The following SV2C variants were observed in gnomAD, a reference collection of about 807,000 sequenced individuals.
SV2C encodes solute carrier family 22 member B3.
Under a neutral mutation model 79.7 loss-of-function variants are expected in SV2C, and 49 were observed. The ratio of observed to expected loss-of-function variants is 0.61; its 90% CI spans 0.49 to 0.78. The LOEUF is 0.78. SV2C is among the 30% of genes least tolerant of loss of function. The pLI, the probability that SV2C is intolerant of heterozygous loss-of-function variation, is 0.00. For synonymous variants in SV2C, 334 were observed against 333.2 expected (o/e 1.00, Z -0.03); for missense variants, 833 against 912.9 (o/e 0.91, Z 1.13).
intron 2 of SV2C, chr5:76,174,147 C>T: frequency 6.2e-7 from 1 of 1,612,232 alleles, no homozygotes; most frequent in Non-Finnish European, 8.5e-7. Flanking sequence ...TTTCCAACGC[C>T]TCGTGAGCCA....
the SV2C span, among the ~76,000 whole-genome samples, chr5:75,907,402 G>T: frequency 6.6e-6 from 1 of 152,148 alleles, no homozygotes; most frequent in Non-Finnish European, 1.5e-5. Context: ...AGGTTCTGGG[G>T]CCAGTAATGT....
intron 2 of SV2C, among the ~76,000 whole-genome samples, chr5:76,146,803 A>T (rs1354857015): frequency 4.0e-4 from 57 of 144,098 alleles, no homozygotes; most frequent in African/African-American, 1.4e-3. Context: ...TTTTTAAAAA[A>T]AAAAAAAAAA....
the SV2C span, among the ~76,000 whole-genome samples, chr5:75,854,621 T>C: frequency 6.6e-6 from 1 of 152,212 alleles, no homozygotes; most frequent in Non-Finnish European, 1.5e-5. Flanking sequence ...ATAAGTCCTC[T>C]GTCAGTTATA....
At chr5:75,968,810 A>G in the SV2C span, among the ~76,000 whole-genome samples, 5 of 152,238 alleles carry the variant, frequency 3.3e-5, no homozygotes, top group Non-Finnish European at 7.3e-5. Context: ...ATTCAGATTC[A>G]GGAAATATAG....
At chr5:76,314,424 C>T (rs1748554768) in intron 12 of SV2C, among the ~76,000 whole-genome samples, 1 of 152,158 alleles carries the variant, frequency 6.6e-6, no homozygotes, top group Non-Finnish European at 1.5e-5. Flanking sequence ...TCCACCTCCC[C>T]CTCTCCCTCT....
At chr5:75,933,505 T>C in the SV2C span, among the ~76,000 whole-genome samples, 1 of 152,214 alleles carries the variant, frequency 6.6e-6, no homozygotes, top group African/African-American at 2.4e-5. Flanking sequence ...GGCCTGAGTT[T>C]CTTTAGTCTC....
At chr5:76,241,199 T>TC (rs1359050941) in intron 4 of SV2C, among the ~76,000 whole-genome samples, 6 of 142,412 alleles carry the variant, frequency 4.2e-5, no homozygotes, top group South Asian at 2.2e-4. Flanking sequence ...TTTTTTTTTT[T>TC]CCCAAGCCAA....
chr5:76,073,859 A>C, the SV2C span, among the ~76,000 whole-genome samples: 74 of 152,256 alleles, frequency 4.9e-4, no homozygotes, highest in African/African-American at 1.6e-3. Context: ...GAACTTATTC[A>C]TGTAACAAAA....
At chr5:76,126,208 A>G (rs983258128) in intron 1 of SV2C, among the ~76,000 whole-genome samples, 3 of 152,206 alleles carry the variant, frequency 2.0e-5, no homozygotes, top group Admixed American at 1.3e-4. Context: ...AACCAGCTAC[A>G]CTTAACTTGC....
At chr5:76,091,040 C>G (rs1254314073) in intron 1 of SV2C, among the ~76,000 whole-genome samples, 1 of 152,106 alleles carries the variant, frequency 6.6e-6, no homozygotes, top group African/African-American at 2.4e-5. Flanking sequence ...CATTTTTGTG[C>G]TTCATATCTA....
intron 12 of SV2C, among the ~76,000 whole-genome samples, chr5:76,315,948 C>G (rs1158507115): frequency 6.6e-6 from 1 of 152,142 alleles, no homozygotes; most frequent in Non-Finnish European, 1.5e-5. Flanking sequence ...CTAATGAACA[C>G]ACACAAACGA....
chr5:76,312,105 G>A (rs191297096), intron 12 of SV2C, among the ~76,000 whole-genome samples: 48 of 152,240 alleles, frequency 3.2e-4, no homozygotes, highest in South Asian at 4.1e-4. Context: ...TGTAGCTCCC[G>A]CGGTGTAGGC....
intron 2 of SV2C, among the ~76,000 whole-genome samples, chr5:76,142,045 C>A (rs1469521362): frequency 6.6e-6 from 1 of 152,016 alleles, no homozygotes; most frequent in Non-Finnish European, 1.5e-5. Flanking sequence ...TTTAAATGGC[C>A]TGAGATTACT....
chr5:75,995,197 C>T, the SV2C span, among the ~76,000 whole-genome samples: 1 of 152,110 alleles, frequency 6.6e-6, no homozygotes, highest in Non-Finnish European at 1.5e-5. Flanking sequence ...CAGAAACACC[C>T]TTACAGACAT....
intron 1 of SV2C, among the ~76,000 whole-genome samples, chr5:76,098,030 G>T (rs1401307333): frequency 2.0e-5 from 3 of 152,152 alleles, no homozygotes; most frequent in Non-Finnish European, 4.4e-5. Context: ...TTACTGTGCA[G>T]CTCTAATTTT....
At chr5:76,049,019 GAAAGAAAA>G in the SV2C span, among the ~76,000 whole-genome samples, 64 of 89,306 alleles carry the variant, frequency 7.2e-4, no homozygotes, top group African/African-American at 2.4e-3. Context: ...AAGAAAGAAA[GAAAGAAAA>G]AGAAAAGAGG....
In SV2C at chr5:76,142,224, A is replaced by C. The variant is rs2878766; in HGVS notation, c.580+9894A>C. On this transcript the variant is annotated intron_variant, in intron 2 of 12. Coordinates refer to ENST00000502798, the MANE Select transcript of SV2C (RefSeq NM_014979.4). ...AGATTGTGAGAGAAAAAGTAAAAGA[A>C]GTAAATGAGTGTAGTTCTTACCTTT... Among the ~76,000 whole-genome samples the C allele has an allele frequency of 2.1e-3, 324 of 152,370 alleles. 14 individuals carry two copies. In the East Asian group the frequency reaches 0.059, roughly 28 times the overall value.
At chr5:76,086,157 C>A (rs1221522711) in intron 1 of SV2C, among the ~76,000 whole-genome samples, 2 of 152,180 alleles carry the variant, frequency 1.3e-5, no homozygotes, top group African/African-American at 4.8e-5. Context: ...AACTCCTATT[C>A]ATTATTAACC....
intron 2 of SV2C, among the ~76,000 whole-genome samples, chr5:76,163,235 C>A (rs34505721): frequency 0.1 from 15,903 of 151,810 alleles, 949 homozygotes; most frequent in Non-Finnish European, 0.13. Context: ...TAATGAAAAC[C>A]GAATTAGACC....
Sources: gnomAD v4.1 joint callset for allele counts (sites outside exome capture counted in the v4.1 genomes callset) on GRCh38, gnomAD v4.1.1 for gene constraint, MANE v1.5 for transcripts, NCBI Gene and HGNC (gene_info 2026-07-23, HGNC 2026-07-21) for gene names.